The following TGFA variants were observed in gnomAD, a reference collection of about 807,000 sequenced individuals.
TGFA encodes the protein protransforming growth factor alpha.
TGFA carries 12 observed loss-of-function variants against 21.7 expected under a neutral mutation model. The observed-to-expected ratio is 0.55, with a 90% CI of 0.35 to 0.90. TGFA has a LOEUF of 0.90. Ranked by LOEUF, TGFA falls within the 40% of genes least tolerant of loss-of-function variation. The probability of loss-of-function intolerance (pLI) is 0.01; values close to 1 mark genes in which losing one functional copy is unlikely to be tolerated. For missense variants in TGFA, 178 were observed against 210.8 expected (o/e 0.84, Z 0.96); for synonymous variants, 79 against 88.1 (o/e 0.90, Z 0.58).
At chr2:70,483,387 A>C (rs1314913389) in intron 2 of TGFA, among the ~76,000 whole-genome samples, 1 of 152,040 alleles carries the variant, frequency 6.6e-6, no homozygotes, top group Non-Finnish European at 1.5e-5. Context: ...ATTTGCTGCT[A>C]TTTCTTAAAA....
intron 1 of TGFA, among the ~76,000 whole-genome samples, chr2:70,539,499 G>C (rs190571363): frequency 1.3e-5 from 2 of 152,306 alleles, no homozygotes; most frequent in Admixed American, 1.3e-4. Context: ...CTGTCGCCCA[G>C]GCTGGAGTGA....
intron 3 of TGFA, 46 bp from the exon 4 acceptor site, chr2:70,456,534 T>C (rs781852289): frequency 1.3e-6 from 2 of 1,556,440 alleles, no homozygotes; most frequent in South Asian, 2.4e-5. Flanking sequence ...CAAAAGGTCT[T>C]GTTACCCTAG....
At chr2:70,542,331 G>C (rs534976527) in intron 1 of TGFA, among the ~76,000 whole-genome samples, 29 of 152,190 alleles carry the variant, frequency 1.9e-4, no homozygotes, top group African/African-American at 6.7e-4. Flanking sequence ...TAATTACAAA[G>C]AGAATGCCTC....
At chr2:70,542,755 T>C (rs1347795108) in intron 1 of TGFA, among the ~76,000 whole-genome samples, 1 of 152,236 alleles carries the variant, frequency 6.6e-6, no homozygotes, top group Non-Finnish European at 1.5e-5. Flanking sequence ...CTGTGGTATA[T>C]GCACGTATGC....
chr2:70,547,766 ATGC>A (rs1673355443), intron 1 of TGFA, among the ~76,000 whole-genome samples: 1 of 67,786 alleles, frequency 1.5e-5, no homozygotes, highest in Non-Finnish European at 3.2e-5. Flanking sequence ...TATACTATAT[ATGC>A]TATATATGTA....
In TGFA at chr2:70,448,579, A is replaced by G. The variant is rs1430108271; in HGVS notation, c.*2280T>C. ...TGCCATTAAATGGCAGAGGGATCCAATGCTTATCAGTCATTTGATTTCTAG... is the reference window on the plus strand; with the variant it reads ...TGCCATTAAATGGCAGAGGGATCCAGTGCTTATCAGTCATTTGATTTCTAG... On this transcript the variant is annotated 3_prime_UTR_variant, in exon 6 of 6. Transcript: ENST00000295400. The G allele has an allele frequency of 2.0e-5, 3 of 152,234 alleles. No individual in the cohort carries two copies. Among genetic ancestry groups the G allele is most frequent in the Non-Finnish European group, 2.9e-5 (2 of 68,040 alleles). The allele number at this position is 152,234 out of a possible 1,614,324, so 9.4% of individuals were successfully genotyped here. A position where few individuals can be genotyped will look rare whatever the true frequency, so the allele number is the denominator to read the frequency against.
At chr2:70,473,946 A>G (rs1219331236) in intron 2 of TGFA, among the ~76,000 whole-genome samples, 2 of 152,122 alleles carry the variant, frequency 1.3e-5, no homozygotes, top group African/African-American at 2.4e-5. Context: ...TGTCTCTATC[A>G]TTCCCCAACC....
chr2:70,474,472 G>A (rs782557331), intron 2 of TGFA, among the ~76,000 whole-genome samples: 1 of 152,232 alleles, frequency 6.6e-6, no homozygotes, highest in South Asian at 2.1e-4. Flanking sequence ...TAATCAGAAA[G>A]GGGCACTTTC....
intron 1 of TGFA, among the ~76,000 whole-genome samples, chr2:70,533,311 A>G (rs927341166): frequency 5.9e-5 from 9 of 151,964 alleles, no homozygotes; most frequent in African/African-American, 1.2e-4. Context: ...AAAATGTTAA[A>G]CCTTTTCCCC....
intron 1 of TGFA, among the ~76,000 whole-genome samples, chr2:70,521,108 AT>A (rs571447390): frequency 1.3e-5 from 2 of 151,834 alleles, no homozygotes; most frequent in South Asian, 4.1e-4. Context: ...AAAAAAAAAA[AT>A]CTTTGCTCCT....
chr2:70,531,163 G>A (rs565070315), intron 1 of TGFA, among the ~76,000 whole-genome samples: 31 of 152,340 alleles, frequency 2.0e-4, no homozygotes, highest in African/African-American at 6.0e-4. Flanking sequence ...GAATACTCAT[G>A]TGATAACTCA....
chr2:70,486,187 A>C (rs563470393), intron 2 of TGFA, among the ~76,000 whole-genome samples: 12 of 152,332 alleles, frequency 7.9e-5, no homozygotes, highest in Admixed American at 3.3e-4. Flanking sequence ...GCCTCCAGCC[A>C]ATATGGCAAA....
In TGFA at chr2:70,448,069, T is replaced by C. The variant is rs1276385344; in HGVS notation, c.*2790A>G. The C allele has an allele frequency of 6.6e-6, 1 of 152,198 alleles. No individual in the cohort carries two copies. The highest frequency in any genetic ancestry group is 1.5e-5 in the Non-Finnish European group (1 of 68,046). 9.4% of individuals were successfully genotyped at this position (152,198 alleles called of 1,614,324 possible). Reference sequence around the variant, plus strand: ...GGCAATCCCATCTTTTTCTCCTTTCTCAGGGAAAAGAACTCTAGGGCCATT... The same window carrying C: ...GGCAATCCCATCTTTTTCTCCTTTCCCAGGGAAAAGAACTCTAGGGCCATT... On this transcript the variant is annotated 3_prime_UTR_variant, in exon 6 of 6. Coordinates refer to ENST00000295400, the MANE Select transcript of TGFA (RefSeq NM_003236.4).
chr2:70,470,477 C>T lies in TGFA; in HGVS notation c.95-4741G>A, dbSNP rs1048766246. Among the ~76,000 whole-genome samples, 7 of 152,298 alleles carry T rather than the reference C, an allele frequency of 4.6e-5. No homozygotes were observed. The East Asian group carries it at 9.6e-4, about 21-fold the overall frequency. On this transcript the variant is annotated intron_variant, in intron 2 of 5. Coordinates refer to ENST00000295400, the MANE Select transcript of TGFA (RefSeq NM_003236.4). ...CCCTAAGTCTGTGGTTGGAGAGCAACGGTCAGAGAGCAACTTCTCTTCTTC... is the reference window on the plus strand; with the variant it reads ...CCCTAAGTCTGTGGTTGGAGAGCAATGGTCAGAGAGCAACTTCTCTTCTTC...
At chr2:70,514,943 C>T in intron 1 of TGFA, 31 bp from the exon 2 acceptor site, 1 of 1,609,606 alleles carries the variant, frequency 6.2e-7, no homozygotes. Flanking sequence ...GGGAAAAGGT[C>T]AGAGTCTGCT....
chr2:70,490,994 A>G (rs1553497497), intron 2 of TGFA, among the ~76,000 whole-genome samples: 1 of 152,224 alleles, frequency 6.6e-6, no homozygotes, highest in African/African-American at 2.4e-5. Context: ...GGTTTTATAT[A>G]GGATATCACG....
In TGFA at chr2:70,447,824, C is replaced by G. The variant is rs1260454158; in HGVS notation, c.*3035G>C. ...TGTGACTGGGCAGGTTGGAAGAGAT[C>G]AAAGCCCAGAACCAACTAGAGGGCA... On this transcript the variant is annotated 3_prime_UTR_variant, in exon 6 of 6. Coordinates refer to ENST00000295400, the MANE Select transcript of TGFA (RefSeq NM_003236.4). 1.3e-5 allele frequency: 2 copies of G among 152,158 alleles called. No homozygotes were observed. The highest frequency in any genetic ancestry group is 2.9e-5 in the Non-Finnish European group (2 of 68,028). 9.4% of individuals were successfully genotyped at this position (152,158 alleles called of 1,614,324 possible).
At chr2:70,478,785 T>C (rs1196959567) in intron 2 of TGFA, among the ~76,000 whole-genome samples, 16 of 152,218 alleles carry the variant, frequency 1.1e-4, no homozygotes, top group African/African-American at 3.9e-4. Context: ...ATGCTTATTA[T>C]TTTTAGTAGG....
intron 3 of TGFA, among the ~76,000 whole-genome samples, chr2:70,464,554 G>A (rs1670493366): frequency 6.6e-6 from 1 of 152,158 alleles, no homozygotes; most frequent in Non-Finnish European, 1.5e-5. Flanking sequence ...GCATCTAGTA[G>A]ATAGAGGCCA....
Sources: allele counts gnomAD v4.1 joint callset (sites outside exome capture counted in the v4.1 genomes callset), GRCh38; gene constraint gnomAD v4.1.1; transcripts MANE v1.5; gene names NCBI Gene and HGNC (gene_info 2026-07-23, HGNC 2026-07-21).